The following RBX1 variants were observed in gnomAD, a reference collection of about 807,000 sequenced individuals.
RBX1 encodes the protein E3 ubiquitin-protein ligase RBX1.
For missense variants in RBX1, 46 were observed against 141.4 expected, an observed-to-expected ratio of 0.33 and a Z score of 3.42; for synonymous variants, 48 against 47.9, an observed-to-expected ratio of 1.00 and a Z score of -0.01.
intron 3 of RBX1, 90 bp from the exon 4 acceptor site, chr22:40,967,709 C>A: frequency 1.1e-6 from 1 of 943,856 alleles, no homozygotes; most frequent in Non-Finnish European, 1.6e-6. Context: ...CACTATATGT[C>A]ACCCATGCCA....
intron 2 of RBX1, among the ~76,000 whole-genome samples, chr22:40,955,051 T>C (rs1156335149): frequency 6.6e-6 from 1 of 151,958 alleles, no homozygotes; most frequent in East Asian, 1.9e-4. Context: ...CCTCCCAAAG[T>C]GTTGGGATTA....
intron 2 of RBX1, among the ~76,000 whole-genome samples, chr22:40,960,603 C>T (rs1218833493): frequency 1.3e-5 from 2 of 152,050 alleles, no homozygotes; most frequent in African/African-American, 4.8e-5. Flanking sequence ...ATAATTGTGG[C>T]TCTTATTTAG....
chr22:40,953,107 C>T (rs2058315882), intron 1 of RBX1, among the ~76,000 whole-genome samples: 1 of 150,380 alleles, frequency 6.6e-6, no homozygotes, highest in South Asian at 2.1e-4. Flanking sequence ...TCTCCTGCCT[C>T]AGCTTCCCAA....
intron 3 of RBX1, chr22:40,967,520 C>T (rs531612986): frequency 8.1e-6 from 2 of 247,060 alleles, no homozygotes; most frequent in East Asian, 8.2e-5. Context: ...CCACATTCCA[C>T]GTTCTCTTAA....
chr22:40,963,941 A>T, intron 2 of RBX1, 106 bp from the exon 3 acceptor site: 1 of 811,182 alleles, frequency 1.2e-6, no homozygotes, highest in Non-Finnish European at 2.1e-6. Context: ...ACATTCATTA[A>T]AAAACAATTA....
chr22:40,965,427 T>G (rs150217379), intron 3 of RBX1, among the ~76,000 whole-genome samples: 50 of 152,038 alleles, frequency 3.3e-4, no homozygotes, highest in African/African-American at 7.9e-4. Flanking sequence ...TTTTTGTTTT[T>G]TTTTTTGTTT....
intron 4 of RBX1, among the ~76,000 whole-genome samples, 198 bp downstream of exon 4, chr22:40,968,082 A>G (rs2058358823): frequency 6.8e-6 from 1 of 147,620 alleles, no homozygotes; most frequent in Admixed American, 6.7e-5. Flanking sequence ...AGGGTTTCCC[A>G]ACCTTTTTTT....
At chr22:40,971,315 T>TG (rs1287369937) in intron 4 of RBX1, among the ~76,000 whole-genome samples, 4 of 152,200 alleles carry the variant, frequency 2.6e-5, no homozygotes, top group Non-Finnish European at 5.9e-5. Context: ...CCATCTCACA[T>TG]GCTAGAGCCT....
chr22:40,952,728 A>T (rs1288788399), intron 1 of RBX1, among the ~76,000 whole-genome samples: 1 of 152,222 alleles, frequency 6.6e-6, no homozygotes, highest in Non-Finnish European at 1.5e-5. Context: ...AATTCTAGTG[A>T]ATTGTAGAAT....
At chr22:40,953,784 ATAGAG>A (rs1012784975) in intron 2 of RBX1, 151 bp downstream of exon 2, 30 of 584,192 alleles carry the variant, frequency 5.1e-5, no homozygotes, top group African/African-American at 5.0e-4. Context: ...TGTGTTTGAA[ATAGAG>A]TAGTTTTTTT....
At chr22:40,953,951 T>C (rs1055839776) in intron 2 of RBX1, among the ~76,000 whole-genome samples, 1 of 151,914 alleles carries the variant, frequency 6.6e-6, no homozygotes, top group Non-Finnish European at 1.5e-5. Context: ...GTAGAAATAG[T>C]GAAAGGAGGA....
rs151111161 is a variant in RBX1 at position 40,971,617 on chromosome 22, T to C, written c.315-859T>C. On this transcript the variant is annotated intron_variant, in intron 4 of 4. Coordinates refer to ENST00000216225, the MANE Select transcript of RBX1 (RefSeq NM_014248.4). ...GTCACCTAGGCTGGAGTGCAGTGGT[T>C]GTGATCTCGGTTCACTGCAACCTCC... is the stretch of plus-strand genomic sequence containing the variant. Among the ~76,000 whole-genome samples the C allele has an allele frequency of 4.9e-3, 745 of 152,162 alleles. 3 individuals are homozygous for C. Among genetic ancestry groups the C allele is most frequent in the African/African-American group, 0.017 (696 of 41,518 alleles).
At chr22:40,956,424 GTC>G (rs1208470063) in intron 2 of RBX1, among the ~76,000 whole-genome samples, 1 of 144,280 alleles carries the variant, frequency 6.9e-6, no homozygotes, top group Non-Finnish European at 1.5e-5. Flanking sequence ...TAAAGACAGA[GTC>G]TCTGTCGCTC....
At chr22:40,965,033 G>A (rs2058350272) in intron 3 of RBX1, among the ~76,000 whole-genome samples, 2 of 152,208 alleles carry the variant, frequency 1.3e-5, no homozygotes, top group Admixed American at 6.5e-5. Context: ...GGCCGGACGC[G>A]GTGGCTCACG....
At chr22:40,951,612 C>T in intron 1 of RBX1, 136 bp downstream of exon 1, 2 of 796,160 alleles carry the variant, frequency 2.5e-6, no homozygotes, top group South Asian at 1.7e-5. Context: ...CGAAAGGAAG[C>T]CGGGGGGCGG....
intron 2 of RBX1, among the ~76,000 whole-genome samples, chr22:40,960,217 A>G (rs1237190983): frequency 2.6e-5 from 4 of 152,182 alleles, no homozygotes; most frequent in Non-Finnish European, 4.4e-5. Context: ...CACTTGGCAT[A>G]GAAAGACCAG....
intron 2 of RBX1, among the ~76,000 whole-genome samples, chr22:40,960,192 C>T (rs1006393931): frequency 6.6e-6 from 1 of 152,026 alleles, no homozygotes; most frequent in African/African-American, 2.4e-5. Flanking sequence ...GTTCAAGTAC[C>T]AAGAGCCTAA....
chr22:40,951,624 T>C (rs2058310737), intron 1 of RBX1, 148 bp downstream of exon 1: 1 of 735,992 alleles, frequency 1.4e-6, no homozygotes, highest in Non-Finnish European at 2.2e-6. Context: ...GGGGGGCGGG[T>C]CTTAGAGTTG....
At chr22:40,957,273 A>G (rs2058328220) in intron 2 of RBX1, among the ~76,000 whole-genome samples, 1 of 152,038 alleles carries the variant, frequency 6.6e-6, no homozygotes, top group African/African-American at 2.4e-5. Context: ...TGAACCTGGG[A>G]GGCAGAGGTT....
Sources: allele counts gnomAD v4.1 joint callset (sites outside exome capture counted in the v4.1 genomes callset), GRCh38; gene constraint gnomAD v4.1.1; transcripts MANE v1.5; gene names NCBI Gene and HGNC (gene_info 2026-07-23, HGNC 2026-07-21).